The following SKA2 variants were observed in gnomAD, a reference collection of about 807,000 sequenced individuals.
The protein encoded by SKA2 is spindle and kinetochore associated complex subunit 2.
SKA2 carries 13 observed loss-of-function variants against 16.9 expected under a neutral mutation model. That is an observed-to-expected ratio of 0.77 (90% CI 0.50 to 1.22). SKA2 has a LOEUF of 1.22. Among genes scored for constraint, SKA2 ranks in the 50% most tolerant of loss-of-function variants. The pLI is 0.00. For synonymous variants in SKA2, 47 were observed against 48.5 expected, an observed-to-expected ratio of 0.97 and a Z score of 0.13; for missense variants, 107 against 139.7, an observed-to-expected ratio of 0.77 and a Z score of 1.18.
intron 2 of SKA2, among the ~76,000 whole-genome samples, chr17:59,130,457 C>CAAAAA (rs569934567): frequency 1.1e-4 from 8 of 70,382 alleles, no homozygotes; most frequent in Non-Finnish European, 2.5e-4. Context: ...ACTAAAAATA[C>CAAAAA]AAAAAAAAAA....
intron 1 of SKA2, among the ~76,000 whole-genome samples, chr17:59,132,499 A>C (rs2046418371): frequency 6.6e-6 from 1 of 152,186 alleles, no homozygotes; most frequent in African/African-American, 2.4e-5. Flanking sequence ...CCCCATCTCT[A>C]CTAAAAATAC....
intron 1 of SKA2, among the ~76,000 whole-genome samples, chr17:59,135,310 C>CTTTTT (rs71145527): frequency 3.2e-5 from 4 of 126,126 alleles, no homozygotes; most frequent in Non-Finnish European, 6.8e-5. Flanking sequence ...ACTAAACTGT[C>CTTTTT]TTTTTTTTTT....
At chr17:59,119,540 A>G in intron 2 of SKA2, 45 bp from the exon 3 acceptor site, 1 of 1,559,420 alleles carries the variant, frequency 6.4e-7, no homozygotes, top group South Asian at 1.1e-5. Context: ...ATGAAAGATT[A>G]AACTTTTTAA....
At chr17:59,138,378 T>G (rs1001326032) in intron 1 of SKA2, among the ~76,000 whole-genome samples, 2 of 151,834 alleles carry the variant, frequency 1.3e-5, no homozygotes, top group Non-Finnish European at 2.9e-5. Flanking sequence ...TTTTGGATTT[T>G]GGAGCATTTC....
intron 2 of SKA2, among the ~76,000 whole-genome samples, chr17:59,127,939 C>T (rs907592309): frequency 3.9e-5 from 6 of 152,024 alleles, no homozygotes; most frequent in Non-Finnish European, 7.4e-5. Context: ...GAGTATGGGC[C>T]GGGCACGGTG....
intron 1 of SKA2, among the ~76,000 whole-genome samples, chr17:59,141,834 A>G (rs2046492612): frequency 6.6e-6 from 1 of 152,000 alleles, no homozygotes; most frequent in South Asian, 2.1e-4. Flanking sequence ...GGACCTGCAC[A>G]TTGACCCGGT....
In SKA2 at chr17:59,119,546, T is replaced by C. The variant is rs2046319342; in HGVS notation, c.121-51A>G. The C allele has an allele frequency of 2.0e-6, 3 of 1,534,922 alleles. No individual in the cohort carries two copies. The South Asian group carries it at 3.4e-5, about 17-fold the overall frequency. ...TATTAAATTATGAAAGATTAAACTT[T>C]TTAAGAATTAAAATACTGTATACAT... On this transcript the variant is annotated intron_variant, in intron 2 of 3. Coordinates refer to ENST00000330137, the MANE Select transcript of SKA2 (RefSeq NM_182620.4).
chr17:59,149,017 A>G (rs1349148463), intron 1 of SKA2, among the ~76,000 whole-genome samples: 6 of 152,142 alleles, frequency 3.9e-5, no homozygotes, highest in Non-Finnish European at 8.8e-5. Flanking sequence ...TCAACCTAAT[A>G]CCAAGTGTTG....
intron 3 of SKA2, among the ~76,000 whole-genome samples, chr17:59,115,759 A>G (rs1435477984): frequency 1.3e-5 from 2 of 152,132 alleles, no homozygotes; most frequent in Admixed American, 1.3e-4. Context: ...ATACCCAGCT[A>G]TGAGACTAAT....
At chr17:59,135,264 A>T (rs2046436461) in intron 1 of SKA2, among the ~76,000 whole-genome samples, 4 of 151,996 alleles carry the variant, frequency 2.6e-5, no homozygotes. Flanking sequence ...GAAGATACCA[A>T]AGAGTACCCT....
chr17:59,144,635 G>A lies in SKA2; in HGVS notation c.33+10496C>T, dbSNP rs185195482. 3.1e-3 allele frequency among the ~76,000 whole-genome samples: 476 copies of A among 152,254 alleles called. 2 individuals carry two copies. Among genetic ancestry groups the A allele is most frequent in the African/African-American group, 0.011 (444 of 41,546 alleles). ...TGCCACAAAAAAATGGATGAATCTT[G>A]AGAACATTTTGCTGAATGAAATAAG... is the stretch of plus-strand genomic sequence containing the variant. On this transcript the variant is annotated intron_variant, in intron 1 of 3. Coordinates refer to ENST00000330137, the MANE Select transcript of SKA2 (RefSeq NM_182620.4).
At chr17:59,120,393 C>A (rs567711748) in intron 2 of SKA2, among the ~76,000 whole-genome samples, 1 of 151,988 alleles carries the variant, frequency 6.6e-6, no homozygotes, top group South Asian at 2.1e-4. Flanking sequence ...CCCCTTCTGC[C>A]ACTTGGTAAT....
intron 1 of SKA2, among the ~76,000 whole-genome samples, chr17:59,154,674 C>T (rs2046608088): frequency 6.6e-6 from 1 of 152,162 alleles, no homozygotes; most frequent in Non-Finnish European, 1.5e-5. Flanking sequence ...AGAACGTGAG[C>T]GGGTTGGCCC....
chr17:59,150,050 G>A (rs1292128471), intron 1 of SKA2, among the ~76,000 whole-genome samples: 1 of 152,170 alleles, frequency 6.6e-6, no homozygotes, highest in African/African-American at 2.4e-5. Context: ...TAACAGAAAT[G>A]TTCTATATCC....
At chr17:59,121,512 G>C (rs578182033) in intron 2 of SKA2, among the ~76,000 whole-genome samples, 2 of 149,076 alleles carry the variant, frequency 1.3e-5, no homozygotes, top group African/African-American at 5.0e-5. Flanking sequence ...AAAATTAGCC[G>C]GGCATTGTGG....
chr17:59,116,546 A>G (rs1441849278), intron 3 of SKA2, among the ~76,000 whole-genome samples: 1 of 152,020 alleles, frequency 6.6e-6, no homozygotes, highest in Non-Finnish European at 1.5e-5. Context: ...AGTATTATCA[A>G]TTCAGGTGTT....
chr17:59,154,609 G>A (rs1055392391), intron 1 of SKA2, among the ~76,000 whole-genome samples: 4 of 152,186 alleles, frequency 2.6e-5, no homozygotes, highest in African/African-American at 9.7e-5. Context: ...TGGCCGTTAG[G>A]AAGTTGTGCA....
chr17:59,135,796 A>T (rs540652698), intron 1 of SKA2, among the ~76,000 whole-genome samples: 1 of 148,304 alleles, frequency 6.7e-6, no homozygotes, highest in Admixed American at 6.7e-5. Flanking sequence ...TATATATTTT[A>T]AAATTTTATA....
rs949744767 is a variant in SKA2 at position 59,154,686 on chromosome 17, A to G, written c.33+445T>C. 3.9e-5 allele frequency among the ~76,000 whole-genome samples: 6 copies of G among 152,106 alleles called. No individual in the cohort carries two copies. The East Asian group carries it at 1.2e-3, about 29-fold the overall frequency. On this transcript the variant is annotated intron_variant, in intron 1 of 3. Transcript: ENST00000330137. The stretch of plus-strand genomic sequence containing the variant: ...TTTAGAACGTGAGCGGGTTGGCCCT[A>G]CAGGGATTTCTCCTCGCCCCCGTCA...
Sources: allele counts gnomAD v4.1 joint callset (sites outside exome capture counted in the v4.1 genomes callset), GRCh38; gene constraint gnomAD v4.1.1; transcripts MANE v1.5; gene names NCBI Gene and HGNC (gene_info 2026-07-23, HGNC 2026-07-21).